The following PARD3B variants were observed in gnomAD, a reference collection of about 807,000 sequenced individuals.
PARD3B encodes partitioning defective 3 homolog B.
PARD3B carries 103 observed loss-of-function variants against 130.2 expected under a neutral mutation model. The ratio of observed to expected loss-of-function variants is 0.79; its 90% CI spans 0.67 to 0.93. The LOEUF (loss-of-function observed/expected upper bound fraction) is 0.93, where lower values mean the gene tolerates loss of function less well. Ranked by LOEUF, PARD3B falls within the 40% of genes least tolerant of loss-of-function variation. The pLI is 0.00. For synonymous variants in PARD3B, 583 were observed against 553.2 expected (o/e 1.05, Z -0.76); for missense variants, 1,609 against 1,499.2 (o/e 1.07, Z -1.21).
chr2:205,476,428 C>A (rs1194032615), intron 20 of PARD3B, among the ~76,000 whole-genome samples: 4 of 152,228 alleles, frequency 2.6e-5, no homozygotes, highest in African/African-American at 9.6e-5. Flanking sequence ...TCAATCACCA[C>A]CCTTAATGCA....
chr2:205,572,601 C>T lies in PARD3B; in HGVS notation c.3260+19198C>T, dbSNP rs543193979. Among the ~76,000 whole-genome samples the T allele has an allele frequency of 4.6e-5, 7 of 152,014 alleles. No individual in the cohort carries two copies. Among genetic ancestry groups the T allele is most frequent in the South Asian group, 2.1e-4 (1 of 4,820 alleles). ...CTCTACTAAAATACAAAAAATTAGC[C>T]GGGCATAGTGGTGGGCACCTGTAGT... is the stretch of plus-strand genomic sequence containing the variant. On this transcript the variant is annotated intron_variant, in intron 22 of 22. Coordinates refer to ENST00000406610, the MANE Select transcript of PARD3B (RefSeq NM_001302769.2). The surrounding 1 kb of genome is among the most constrained non-coding windows in gnomAD (Gnocchi z 4.2).
intron 2 of PARD3B, among the ~76,000 whole-genome samples, chr2:204,688,670 A>G (rs970877206): frequency 6.6e-6 from 1 of 151,610 alleles, no homozygotes; most frequent in Non-Finnish European, 1.5e-5. Flanking sequence ...CCATATGTCT[A>G]TTGTGGAAAG....
chr2:205,560,942 C>T (rs944879870), intron 22 of PARD3B, among the ~76,000 whole-genome samples: 8 of 152,170 alleles, frequency 5.3e-5, no homozygotes, highest in East Asian at 1.9e-4. Flanking sequence ...AGAAGAAATA[C>T]GCCATAAGAG....
rs531449956 is a variant in PARD3B at position 204,775,859 on chromosome 2, A to T, written c.222+89577A>T. The stretch of plus-strand genomic sequence containing the variant: ...CACCATGGTTAAATTAGGGAGGCTA[A>T]TTTTTTCTATTTAAAAATCTTTCTG... On this transcript the variant is annotated intron_variant, in intron 2 of 22. Coordinates refer to ENST00000406610, the MANE Select transcript of PARD3B (RefSeq NM_001302769.2). Among the ~76,000 whole-genome samples the T allele has an allele frequency of 3.2e-3, 489 of 152,160 alleles. 3 individuals carry two copies. The highest frequency in any genetic ancestry group is 0.011 in the African/African-American group (436 of 41,512).
intron 3 of PARD3B, among the ~76,000 whole-genome samples, chr2:204,991,111 A>G (rs1159143703): frequency 1.3e-5 from 2 of 151,666 alleles, no homozygotes; most frequent in Non-Finnish European, 2.9e-5. Context: ...GTTTTAGGGT[A>G]CATGTGCACA....
intron 1 of PARD3B, among the ~76,000 whole-genome samples, chr2:204,676,553 T>C (rs1220322651): frequency 1.3e-5 from 2 of 152,070 alleles, no homozygotes; most frequent in African/African-American, 4.8e-5. Context: ...TCACAGAAGT[T>C]CCACGTCTTA....
intron 16 of PARD3B, among the ~76,000 whole-genome samples, chr2:205,283,429 C>T (rs186550525): frequency 1.2e-4 from 18 of 152,264 alleles, no homozygotes; most frequent in Admixed American, 9.8e-4. Flanking sequence ...GGACCACAGG[C>T]GTGCATAACC....
chr2:204,774,179 A>C (rs1485128304), intron 2 of PARD3B, among the ~76,000 whole-genome samples: 2 of 150,142 alleles, frequency 1.3e-5, no homozygotes, highest in Admixed American at 1.3e-4. Context: ...CTCAAATAGC[A>C]CCTTTCTTCT....
chr2:204,554,278 TC>T (rs1353235235), intron 1 of PARD3B, among the ~76,000 whole-genome samples: 2 of 152,098 alleles, frequency 1.3e-5, no homozygotes, highest in South Asian at 2.1e-4. Flanking sequence ...CCAGGTGTCT[TC>T]CCTGAACTGC....
chr2:205,118,938 T>C lies in PARD3B; in HGVS notation c.698T>C (p.Ile233Thr), dbSNP rs1425345348. The change falls in exon 7 of 23, where the codon ATC (isoleucine) becomes ACC (threonine). Residue 233 changes from isoleucine to threonine, a missense_variant. By Grantham distance (89) the Ile-to-Thr change is moderately conservative. Transcript: ENST00000406610. ...SLSGRILGLF[I>T]RGIEDNSRSK... ...GCATTTAGGATTCTAGGACTCTTCA[T>C]CCGAGGCATTGAAGACAACAGCAGG... 6.2e-7 allele frequency: 1 copy of C among 1,603,980 alleles called. No homozygotes were observed. Among genetic ancestry groups the C allele is most frequent in the Non-Finnish European group, 8.5e-7 (1 of 1,175,878 alleles).
intron 1 of PARD3B, among the ~76,000 whole-genome samples, chr2:204,597,387 G>A (rs2033343435): frequency 6.6e-6 from 1 of 152,054 alleles, no homozygotes. Flanking sequence ...TGCTGAGAGT[G>A]CCCCTGAAAA....
intron 18 of PARD3B, among the ~76,000 whole-genome samples, chr2:205,305,726 T>TTGTCTCAGTGTCTTCATC (rs1336631722): frequency 6.6e-6 from 1 of 152,230 alleles, no homozygotes; most frequent in Non-Finnish European, 1.5e-5. Flanking sequence ...TTAACTTCTG[T>TTGTCTCAGTGTCTTCATC]TGTCTCAGTG....
At chr2:205,502,683 A>C (rs532761419) in intron 21 of PARD3B, among the ~76,000 whole-genome samples, 1 of 152,222 alleles carries the variant, frequency 6.6e-6, no homozygotes, top group East Asian at 1.9e-4. Flanking sequence ...CCTAACAACT[A>C]CTCGTAAACC....
At chr2:205,615,285 G>A (rs2055383427) in intron 22 of PARD3B, among the ~76,000 whole-genome samples, 171 bp from the exon 23 acceptor site, 1 of 152,070 alleles carries the variant, frequency 6.6e-6, no homozygotes, top group African/African-American at 2.4e-5. Flanking sequence ...GGAGAGAAGG[G>A]AAGAAGTTCC....
At chr2:204,546,751 A>G (rs907463045) in intron 1 of PARD3B, among the ~76,000 whole-genome samples, 8 of 152,170 alleles carry the variant, frequency 5.3e-5, no homozygotes, top group Middle Eastern at 3.2e-3. Flanking sequence ...ACCATTTACT[A>G]TGTGTGTGGG....
intron 2 of PARD3B, among the ~76,000 whole-genome samples, chr2:204,775,472 T>C (rs1278617754): frequency 1.3e-5 from 2 of 152,152 alleles, no homozygotes; most frequent in African/African-American, 4.8e-5. Context: ...AATCCTATTT[T>C]GAGTTGAGGA....
chr2:205,099,824 A>T (rs1702630005), intron 4 of PARD3B, among the ~76,000 whole-genome samples: 2 of 152,330 alleles, frequency 1.3e-5, no homozygotes, highest in African/African-American at 4.8e-5. Flanking sequence ...ATTAGTTGAG[A>T]TGATAAACTA....
chr2:205,020,710 G>C (rs1333068305), intron 3 of PARD3B, among the ~76,000 whole-genome samples: 1 of 152,082 alleles, frequency 6.6e-6, no homozygotes, highest in African/African-American at 2.4e-5. Context: ...TCTGTGTGTT[G>C]TCGAAGTCAG....
Position 205,535,562 on chromosome 2 carries a change from A to G in PARD3B, c.3181-17762A>G, listed in dbSNP as rs555228878. ...GATATTTGTTTGTAGCATAAGAAAT[A>G]TATTTCCTTCTGAAAATATTGATGT... On this transcript the variant is annotated intron_variant, in intron 21 of 22. Coordinates refer to ENST00000406610, the MANE Select transcript of PARD3B (RefSeq NM_001302769.2). Among the ~76,000 whole-genome samples the G allele has an allele frequency of 2.6e-5, 4 of 152,220 alleles. No individual in the cohort carries two copies. The South Asian group carries it at 8.3e-4, about 32-fold the overall frequency.
Sources: allele counts gnomAD v4.1 joint callset (sites outside exome capture counted in the v4.1 genomes callset), GRCh38; gene constraint gnomAD v4.1.1; non-coding constraint Gnocchi (gnomAD v3.1); transcripts MANE v1.5; gene names NCBI Gene and HGNC (gene_info 2026-07-23, HGNC 2026-07-21).